PCCB: variants seen among roughly 807,000 people sequenced by gnomAD.
The protein encoded by PCCB is propionyl-CoA carboxylase beta chain, mitochondrial.
A neutral mutation model predicts 60.7 loss-of-function variants in PCCB; 43 were observed. The observed-to-expected ratio is 0.71, with a 90% CI of 0.55 to 0.91. The LOEUF is 0.91. Among genes scored for constraint, PCCB ranks in the 40% least tolerant of loss-of-function variants. The pLI is 0.00. For missense variants in PCCB, 766 were observed against 702.8 expected (o/e 1.09, Z -1.02); for synonymous variants, 276 against 255.9 (o/e 1.08, Z -0.75).
At chr3:136,253,616 C>T (rs1011056461) in intron 1 of PCCB, among the ~76,000 whole-genome samples, 1 of 151,278 alleles carries the variant, frequency 6.6e-6, no homozygotes, top group African/African-American at 2.4e-5. Flanking sequence ...AACTTTTGAC[C>T]TCAGGTGATC....
At chr3:136,302,028 A>G (rs1293192629) in intron 9 of PCCB, among the ~76,000 whole-genome samples, 1 of 152,200 alleles carries the variant, frequency 6.6e-6, no homozygotes, top group African/African-American at 2.4e-5. Context: ...AGTTCAGCCC[A>G]AAGCAGGAGA....
intron 5 of PCCB, among the ~76,000 whole-genome samples, chr3:136,279,033 G>A (rs77721497): frequency 2.0e-4 from 30 of 152,294 alleles, no homozygotes; most frequent in Non-Finnish European, 3.7e-4. Context: ...TTTTCTAGAT[G>A]TGAACCTTTT....
chr3:136,301,899 C>T (rs1233834125), intron 9 of PCCB, among the ~76,000 whole-genome samples: 3 of 152,156 alleles, frequency 2.0e-5, no homozygotes, highest in Admixed American at 6.5e-5. Context: ...CTAATTTTCC[C>T]TGCATATGCA....
chr3:136,281,240 T>G (rs1942467239), intron 5 of PCCB, among the ~76,000 whole-genome samples: 1 of 152,164 alleles, frequency 6.6e-6, no homozygotes, highest in African/African-American at 2.4e-5. Context: ...TCTTCTGAGA[T>G]TCCTATAATG....
At chr3:136,312,860 A>C (rs1439758368) in intron 9 of PCCB, among the ~76,000 whole-genome samples, 7 of 152,214 alleles carry the variant, frequency 4.6e-5, no homozygotes, top group Non-Finnish European at 1.0e-4. Flanking sequence ...TGTATCCCAG[A>C]GTATGAATAT....
At chr3:136,259,125 G>A in intron 3 of PCCB, 1 of 1,438,298 alleles carries the variant, frequency 7.0e-7, no homozygotes, top group Non-Finnish European at 9.1e-7. Flanking sequence ...ATAAGCAGAA[G>A]AAGCAGTGAG....
intron 1 of PCCB, chr3:136,251,439 A>G: frequency 2.0e-5 from 8 of 408,788 alleles, no homozygotes; most frequent in South Asian, 1.2e-4. Context: ...ACTCACAACC[A>G]TGAGGGAGGC....
At chr3:136,275,607 T>A (rs977077268) in intron 5 of PCCB, among the ~76,000 whole-genome samples, 1 of 152,118 alleles carries the variant, frequency 6.6e-6, no homozygotes, top group Non-Finnish European at 1.5e-5. Flanking sequence ...GTGGTTTTTT[T>A]AAGTTTCTTT....
chr3:136,327,684 T>TA lies in PCCB; in HGVS notation c.1351dup (p.Thr451AsnfsTer27). On this transcript the variant is annotated frameshift_variant, in exon 13 of 15. Transcript: ENST00000251654. LOFTEE classifies it high-confidence loss of function. ...TGAGCTCTAAGCACCTTTGTGGTGA[T>TA]ACCAACTATGCCTGGCCCACCGCAG... The TA allele has an allele frequency of 6.2e-7, 1 of 1,614,046 alleles. No individual in the cohort carries two copies. The highest frequency in any genetic ancestry group is 8.5e-7 in the Non-Finnish European group (1 of 1,179,990).
intron 5 of PCCB, among the ~76,000 whole-genome samples, chr3:136,270,801 C>T (rs762269680): frequency 2.0e-5 from 3 of 152,140 alleles, no homozygotes; most frequent in African/African-American, 4.8e-5. Context: ...CCCCTGCGCC[C>T]GGCTGTTTTT....
intron 6 of PCCB, among the ~76,000 whole-genome samples, chr3:136,289,145 A>G (rs1480737020): frequency 6.6e-6 from 1 of 152,150 alleles, no homozygotes; most frequent in Non-Finnish European, 1.5e-5. Flanking sequence ...GGCATGAGAC[A>G]CTGTGCCCAG....
At chr3:136,279,346 G>T (rs1942412799) in intron 5 of PCCB, among the ~76,000 whole-genome samples, 1 of 152,072 alleles carries the variant, frequency 6.6e-6, no homozygotes, top group Non-Finnish European at 1.5e-5. Context: ...TATGTGTTTT[G>T]GTTTTTTATG....
chr3:136,252,526 AT>A (rs768208532), intron 1 of PCCB: 38,626 of 273,438 alleles, frequency 0.14, 33 homozygotes, highest in South Asian at 0.24. Flanking sequence ...GGATGACAGA[AT>A]TTTTTTTTTT....
chr3:136,303,620 T>C (rs1189916061), intron 9 of PCCB, among the ~76,000 whole-genome samples: 1 of 122,296 alleles, frequency 8.2e-6, no homozygotes, highest in Non-Finnish European at 1.8e-5. Context: ...AATTTTTTTT[T>C]GAGACAGAGT....
chr3:136,283,760 T>C (rs1303173281), intron 5 of PCCB, 77 bp from the exon 6 acceptor site: 4 of 1,016,262 alleles, frequency 3.9e-6, no homozygotes, highest in African/African-American at 1.6e-5. Context: ...TGTTATCTTA[T>C]TGTTGTCTTT....
chr3:136,275,060 C>G (rs1371950710), intron 5 of PCCB, among the ~76,000 whole-genome samples: 1 of 152,130 alleles, frequency 6.6e-6, no homozygotes, highest in African/African-American at 2.4e-5. Context: ...AGTCCACCTG[C>G]CTTGCCCTCC....
chr3:136,271,300 C>G (rs895983787), intron 5 of PCCB, among the ~76,000 whole-genome samples: 1 of 151,946 alleles, frequency 6.6e-6, no homozygotes, highest in Non-Finnish European at 1.5e-5. Context: ...CAGATTTGTT[C>G]TTTTTGCTTA....
chr3:136,299,885 T>C (rs1002678953), intron 8 of PCCB, among the ~76,000 whole-genome samples: 28 of 151,964 alleles, frequency 1.8e-4, no homozygotes, highest in African/African-American at 6.8e-4. Context: ...CATGTGTATG[T>C]ACGTATATGC....
chr3:136,300,997 T>C, intron 8 of PCCB, 33 bp from the exon 9 acceptor site: 1 of 1,550,150 alleles, frequency 6.5e-7, no homozygotes, highest in Non-Finnish European at 8.9e-7. Flanking sequence ...GCTCTTCCTA[T>C]GTTGACTATA....
Sources: allele counts gnomAD v4.1 joint callset (sites outside exome capture counted in the v4.1 genomes callset), GRCh38; gene constraint gnomAD v4.1.1; transcripts MANE v1.5; gene names NCBI Gene and HGNC (gene_info 2026-07-23, HGNC 2026-07-21).